The following CDK6 variants were observed in gnomAD, a reference collection of about 807,000 sequenced individuals.
The protein encoded by CDK6 is cyclin dependent kinase 6.
A neutral mutation model predicts 37.1 loss-of-function variants in CDK6; 6 were observed. That is an observed-to-expected ratio of 0.16 (90% CI 0.09 to 0.32). CDK6 has a LOEUF of 0.32. Among genes scored for constraint, CDK6 ranks in the 10% least tolerant of loss-of-function variants. CDK6 has a pLI of 1.00. For synonymous variants in CDK6, 160 were observed against 161.3 expected (o/e 0.99, Z 0.06); for missense variants, 224 against 418.9 (o/e 0.53, Z 4.06).
intron 4 of CDK6, among the ~76,000 whole-genome samples, chr7:92,712,489 T>C (rs1585420296): frequency 6.6e-6 from 1 of 152,096 alleles, no homozygotes; most frequent in Non-Finnish European, 1.5e-5. Flanking sequence ...AAATTACAAA[T>C]GATAAGCTGA....
At chr7:92,756,862 T>C (rs893225393) in intron 3 of CDK6, among the ~76,000 whole-genome samples, 28 of 152,304 alleles carry the variant, frequency 1.8e-4, no homozygotes, top group African/African-American at 5.5e-4. Flanking sequence ...CCACCTCCAC[T>C]GGATAAGGGA....
At chr7:92,807,796 T>C (rs1354409121) in intron 2 of CDK6, among the ~76,000 whole-genome samples, 1 of 152,126 alleles carries the variant, frequency 6.6e-6, no homozygotes, top group East Asian at 1.9e-4. Context: ...AGTCAAACGG[T>C]ATAACCAAGC....
At chr7:92,662,913 G>A (rs1796870434) in intron 5 of CDK6, among the ~76,000 whole-genome samples, 1 of 152,148 alleles carries the variant, frequency 6.6e-6, no homozygotes, top group African/African-American at 2.4e-5. Flanking sequence ...AGGGGATAGA[G>A]CACCTACAGA....
In CDK6 at chr7:92,614,262, T is replaced by C. The variant is rs796941174; in HGVS notation, c.*878A>G. The C allele has an allele frequency of 1.3e-5, 3 of 232,458 alleles. No homozygotes were observed. In the South Asian group the frequency reaches 5.4e-4, roughly 42 times the overall value. The allele number at this position is 232,458 out of a possible 1,614,324, so 14.4% of individuals were successfully genotyped here. A position where few individuals can be genotyped will look rare whatever the true frequency, so the allele number is the denominator to read the frequency against. On this transcript the variant is annotated 3_prime_UTR_variant, in exon 8 of 8. Coordinates refer to ENST00000424848, the MANE Select transcript of CDK6 (RefSeq NM_001145306.2). ...ACCAGGAAATAAAGGCTTTCTATTC[T>C]TTTTTTTAAAATCTATCTGAGGTAC...
chr7:92,625,262 C>T (rs1403886101), intron 5 of CDK6, among the ~76,000 whole-genome samples: 1 of 148,024 alleles, frequency 6.8e-6, no homozygotes, highest in Non-Finnish European at 1.5e-5. Flanking sequence ...ACACACACCT[C>T]TCTTATTCCT....
chr7:92,740,169 C>T (rs1454073594), intron 3 of CDK6, among the ~76,000 whole-genome samples: 1 of 152,218 alleles, frequency 6.6e-6, no homozygotes, highest in Non-Finnish European at 1.5e-5. Flanking sequence ...ACGTCTGCTT[C>T]CTAACTATCT....
At chr7:92,725,369 T>C (rs10225916) in intron 4 of CDK6, 2 of 961,378 alleles carry the variant, frequency 2.1e-6, no homozygotes, top group Non-Finnish European at 2.5e-6. Context: ...AACTTGTAAC[T>C]GATTCCTGTC....
At chr7:92,825,074 C>T (rs988912848) in intron 2 of CDK6, among the ~76,000 whole-genome samples, 7 of 152,100 alleles carry the variant, frequency 4.6e-5, no homozygotes, top group Admixed American at 4.6e-4. Context: ...GTGATCAACT[C>T]ATAGTTCATT....
intron 2 of CDK6, among the ~76,000 whole-genome samples, chr7:92,821,403 G>A (rs1341410055): frequency 6.6e-6 from 1 of 152,054 alleles, no homozygotes; most frequent in Non-Finnish European, 1.5e-5. Context: ...TTCCCCACCT[G>A]CTAAATTCAT....
intron 4 of CDK6, among the ~76,000 whole-genome samples, chr7:92,720,664 T>C (rs1798345119): frequency 2.0e-5 from 3 of 152,186 alleles, no homozygotes; most frequent in Non-Finnish European, 4.4e-5. Context: ...CTGATGATGT[T>C]CCTGGCTCTG....
In CDK6 at chr7:92,610,515, A is replaced by G. The variant is rs1418512030; in HGVS notation, c.*4625T>C. On this transcript the variant is annotated 3_prime_UTR_variant, in exon 8 of 8. Coordinates refer to ENST00000424848, the MANE Select transcript of CDK6 (RefSeq NM_001145306.2). Reference sequence around the variant, plus strand: ...CAAAGGTCAGAAGATAGAGAGACCAAAGGATTATTTTTGGTTTATTTTCTG... The same window carrying G: ...CAAAGGTCAGAAGATAGAGAGACCAGAGGATTATTTTTGGTTTATTTTCTG... The G allele has an allele frequency of 4.3e-6, 1 of 230,010 alleles. No homozygotes were observed. The highest frequency in any genetic ancestry group is 5.6e-5 in the Admixed American group (1 of 17,708). The allele number at this position is 230,010 out of a possible 1,614,324, so 14.2% of individuals were successfully genotyped here.
chr7:92,709,714 C>T lies in CDK6; in HGVS notation c.537+15912G>A, dbSNP rs149100889. 2.4e-3 allele frequency among the ~76,000 whole-genome samples: 358 copies of T among 152,060 alleles called. 1 individual carries two copies. Among genetic ancestry groups the T allele is most frequent in the African/African-American group, 8.4e-3 (348 of 41,468 alleles). Reference sequence around the variant, plus strand: ...ATCTTTTTAAAAGTTCTTAGTTTAACATAATTTTTCTTATTGCCTCACTGT... The same window carrying T: ...ATCTTTTTAAAAGTTCTTAGTTTAATATAATTTTTCTTATTGCCTCACTGT... On this transcript the variant is annotated intron_variant, in intron 4 of 7. Coordinates refer to ENST00000424848, the MANE Select transcript of CDK6 (RefSeq NM_001145306.2).
intron 2 of CDK6, among the ~76,000 whole-genome samples, chr7:92,793,675 T>TC (rs1451956733): frequency 3.3e-5 from 5 of 152,102 alleles, no homozygotes; most frequent in Admixed American, 1.3e-4. Flanking sequence ...AGTAAATCTT[T>TC]GTGACCCTGG....
chr7:92,694,655 TAACATGGGAG>T (rs934212567), intron 4 of CDK6, among the ~76,000 whole-genome samples: 3 of 152,182 alleles, frequency 2.0e-5, no homozygotes, highest in African/African-American at 7.2e-5. Context: ...GCATGTCATG[TAACATGGGAG>T]AGGCTGTTGT....
intron 5 of CDK6, among the ~76,000 whole-genome samples, chr7:92,643,227 T>C (rs1796356983): frequency 6.6e-6 from 1 of 152,192 alleles, no homozygotes; most frequent in African/African-American, 2.4e-5. Context: ...CTAATGGGAA[T>C]AACACTGGTA....
intron 5 of CDK6, among the ~76,000 whole-genome samples, chr7:92,639,245 A>G (rs1442657072): frequency 6.6e-6 from 1 of 152,246 alleles, no homozygotes; most frequent in East Asian, 1.9e-4. Context: ...TCTGAGTTAC[A>G]ATGAGTTATT....
chr7:92,745,213 T>C (rs1321041181), intron 3 of CDK6, among the ~76,000 whole-genome samples: 1 of 152,230 alleles, frequency 6.6e-6, no homozygotes, highest in Non-Finnish European at 1.5e-5. Flanking sequence ...ATTTGGATTT[T>C]ATCTATCATT....
chr7:92,800,626 T>C (rs1800546085), intron 2 of CDK6, among the ~76,000 whole-genome samples: 1 of 152,188 alleles, frequency 6.6e-6, no homozygotes, highest in Non-Finnish European at 1.5e-5. Flanking sequence ...GTCCCTATAG[T>C]AGGTGCCTTG....
chr7:92,774,944 G>C (rs1799812037), intron 2 of CDK6, 113 bp from the exon 3 acceptor site: 3 of 918,872 alleles, frequency 3.3e-6, no homozygotes, highest in Non-Finnish European at 4.8e-6. Flanking sequence ...GGCCAGTGTT[G>C]ATCATTTCTT....
Sources: gnomAD v4.1 joint callset for allele counts (sites outside exome capture counted in the v4.1 genomes callset) on GRCh38, gnomAD v4.1.1 for gene constraint, MANE v1.5 for transcripts, NCBI Gene and HGNC (gene_info 2026-07-23, HGNC 2026-07-21) for gene names.